The following HS6ST3 variants were observed in gnomAD, a reference collection of about 807,000 sequenced individuals.
The protein encoded by HS6ST3 is heparan-sulfate 6-O-sulfotransferase 3.
HS6ST3 carries 12 observed loss-of-function variants against 36.7 expected under a neutral mutation model. The observed-to-expected ratio is 0.33, with a 90% confidence interval of 0.21 to 0.53. The LOEUF is 0.53. Ranked by LOEUF, HS6ST3 falls within the 20% of genes least tolerant of loss-of-function variation. The pLI is 0.95. For synonymous variants in HS6ST3, 240 were observed against 257.5 expected (o/e 0.93, Z 0.65); for missense variants, 584 against 640.9 (o/e 0.91, Z 0.96).
At chr13:96,229,607 C>G (rs1429521067) in intron 1 of HS6ST3, among the ~76,000 whole-genome samples, 1 of 152,172 alleles carries the variant, frequency 6.6e-6, no homozygotes, top group Non-Finnish European at 1.5e-5. Flanking sequence ...TCTAACCAAC[C>G]CTATTATCTC....
intron 1 of HS6ST3, among the ~76,000 whole-genome samples, chr13:96,651,559 G>T (rs558396737): frequency 6.6e-6 from 1 of 152,066 alleles, no homozygotes; most frequent in East Asian, 1.9e-4. Context: ...GCCATCACTC[G>T]TATTTCCCTA....
At chr13:96,474,402 A>G (rs1394092178) in intron 1 of HS6ST3, among the ~76,000 whole-genome samples, 1 of 152,150 alleles carries the variant, frequency 6.6e-6, no homozygotes, top group Non-Finnish European at 1.5e-5. Context: ...AATGTTTAAA[A>G]ATAAAACAGG....
intron 1 of HS6ST3, among the ~76,000 whole-genome samples, chr13:96,314,099 G>T (rs1296517096): frequency 6.6e-6 from 1 of 152,170 alleles, no homozygotes; most frequent in Non-Finnish European, 1.5e-5. Flanking sequence ...TACTTGGGAG[G>T]CCAAGGCAGG....
chr13:96,239,922 G>A (rs1181991149), intron 1 of HS6ST3, among the ~76,000 whole-genome samples: 4 of 152,026 alleles, frequency 2.6e-5, no homozygotes, highest in African/African-American at 9.7e-5. Context: ...CATCTTTAAT[G>A]CAATAGAAAA....
At chr13:96,717,176 CAAGA>C (rs1197981902) in intron 1 of HS6ST3, among the ~76,000 whole-genome samples, 3 of 152,098 alleles carry the variant, frequency 2.0e-5, no homozygotes, top group Non-Finnish European at 2.9e-5. Context: ...GGGATGTAGT[CAAGA>C]AAGAGAGAGA....
intron 1 of HS6ST3, among the ~76,000 whole-genome samples, chr13:96,731,046 C>T (rs1876138560): frequency 6.6e-6 from 1 of 152,150 alleles, no homozygotes; most frequent in South Asian, 2.1e-4. Flanking sequence ...TAAATTAAGT[C>T]AGTTAACATA....
intron 1 of HS6ST3, among the ~76,000 whole-genome samples, chr13:96,657,712 G>A (rs556014449): frequency 9.9e-5 from 15 of 152,264 alleles, no homozygotes; most frequent in Non-Finnish European, 5.9e-5. Context: ...AATACTCAAT[G>A]AGATCCTACG....
At chr13:96,249,860 T>C (rs548427620) in intron 1 of HS6ST3, among the ~76,000 whole-genome samples, 1 of 152,188 alleles carries the variant, frequency 6.6e-6, no homozygotes, top group Non-Finnish European at 1.5e-5. Flanking sequence ...AGAAATTTTA[T>C]TATTCTACTT....
chr13:96,407,626 C>A (rs2055485551), intron 1 of HS6ST3, among the ~76,000 whole-genome samples: 1 of 152,146 alleles, frequency 6.6e-6, no homozygotes, highest in Non-Finnish European at 1.5e-5. Flanking sequence ...ATTTTGATAA[C>A]CTAGCAAGAT....
At chr13:96,501,795 A>G (rs1284030135) in intron 1 of HS6ST3, among the ~76,000 whole-genome samples, 1 of 152,254 alleles carries the variant, frequency 6.6e-6, no homozygotes, top group East Asian at 1.9e-4. Flanking sequence ...ACATCAAATG[A>G]ATCCAGTTAA....
chr13:96,557,587 T>A (rs952507093), intron 1 of HS6ST3, among the ~76,000 whole-genome samples: 5 of 152,126 alleles, frequency 3.3e-5, no homozygotes, highest in African/African-American at 1.2e-4. Context: ...CCTTCAACAA[T>A]CTTTGCAAGT....
chr13:96,193,808 G>T (rs1381412547), intron 1 of HS6ST3, among the ~76,000 whole-genome samples: 4 of 152,108 alleles, frequency 2.6e-5, no homozygotes, highest in Admixed American at 6.5e-5. Flanking sequence ...TTTCTTATGG[G>T]ATTTCATTAA....
chr13:96,287,898 G>A (rs993477583), intron 1 of HS6ST3, among the ~76,000 whole-genome samples: 8 of 152,168 alleles, frequency 5.3e-5, no homozygotes, highest in African/African-American at 1.9e-4. Context: ...TTCTCACAGT[G>A]ATCCTGTGGG....
At chr13:96,444,112 TAG>T (rs2055686919) in intron 1 of HS6ST3, among the ~76,000 whole-genome samples, 1 of 152,214 alleles carries the variant, frequency 6.6e-6, no homozygotes. Flanking sequence ...GAGAAAAGTA[TAG>T]AGTGTGAAGC....
chr13:96,592,616 T>C (rs1012147843), intron 1 of HS6ST3, among the ~76,000 whole-genome samples: 5 of 152,196 alleles, frequency 3.3e-5, no homozygotes, highest in African/African-American at 1.2e-4. Flanking sequence ...GTTGACTAAA[T>C]TCCTCAGCAT....
chr13:96,574,318 A>G, intron 1 of HS6ST3: 1 of 385,996 alleles, frequency 2.6e-6, no homozygotes, highest in Non-Finnish European at 5.1e-6. Context: ...CCTCATTTTC[A>G]CCTGAGTCCT....
chr13:96,113,199 G>A (rs911337543), intron 1 of HS6ST3, among the ~76,000 whole-genome samples: 2 of 152,106 alleles, frequency 1.3e-5, no homozygotes, highest in African/African-American at 4.8e-5. Flanking sequence ...ATTTAAGGAG[G>A]TGTTTACAAT....
chr13:96,827,825 G>A (rs1290275028), intron 1 of HS6ST3, among the ~76,000 whole-genome samples: 1 of 152,180 alleles, frequency 6.6e-6, no homozygotes, highest in East Asian at 1.9e-4. Flanking sequence ...AGATTATGTG[G>A]AATGAAGATT....
At chr13:96,758,084 TG>T (rs1876877512) in intron 1 of HS6ST3, among the ~76,000 whole-genome samples, 1 of 152,022 alleles carries the variant, frequency 6.6e-6, no homozygotes, top group African/African-American at 2.4e-5. Context: ...TTTATGGAGA[TG>T]TTTTTTATTA....
Sources: gnomAD v4.1 joint callset for allele counts (sites outside exome capture counted in the v4.1 genomes callset) on GRCh38, gnomAD v4.1.1 for gene constraint, MANE v1.5 for transcripts, NCBI Gene and HGNC (gene_info 2026-07-23, HGNC 2026-07-21) for gene names.